GALNT16: variants seen among roughly 807,000 people sequenced by gnomAD.
The protein encoded by GALNT16 is polypeptide N-acetylgalactosaminyltransferase 16, also known as UDP-GalNAc:polypeptide N-acetylgalactosaminyltransferase-like protein 1.
GALNT16 carries 40 observed loss-of-function variants against 76.1 expected under a neutral mutation model. The ratio of observed to expected loss-of-function variants is 0.53; its 90% CI spans 0.41 to 0.68. GALNT16 has a LOEUF of 0.68. GALNT16 is among the 30% of genes least tolerant of loss of function. The probability of loss-of-function intolerance (pLI) is 0.00; values close to 1 mark genes in which losing one functional copy is unlikely to be tolerated. For synonymous variants in GALNT16, 276 were observed against 285.2 expected (o/e 0.97, Z 0.32); for missense variants, 621 against 731.9 (o/e 0.85, Z 1.75).
rs998317392 is a variant in GALNT16 at position 69,331,395 on chromosome 14, G to A, written c.691-69G>A. 23 of 867,886 alleles carry A rather than the reference G, an allele frequency of 2.7e-5. No individual in the cohort carries two copies. In the African/African-American group the frequency reaches 3.6e-4, roughly 14 times the overall value. The allele number at this position is 867,886 out of a possible 1,614,324, so 53.8% of individuals were successfully genotyped here. ...ATGTCTCAGAGAGGCCTTCTCCCCAGAGCAGGCAGCTAGGCCTTTTTCTGC... is the reference window on the plus strand; with the variant it reads ...ATGTCTCAGAGAGGCCTTCTCCCCAAAGCAGGCAGCTAGGCCTTTTTCTGC... On this transcript the variant is annotated intron_variant, in intron 6 of 14. Coordinates refer to ENST00000448469, the MANE Select transcript of GALNT16 (RefSeq NM_001168368.2).
chr14:69,317,208 A>G (rs1469602233), intron 1 of GALNT16, among the ~76,000 whole-genome samples: 4 of 152,214 alleles, frequency 2.6e-5, no homozygotes, highest in Non-Finnish European at 5.9e-5. Context: ...CAAATGATGC[A>G]TTTACTCCCT....
chr14:69,347,459 A>G (rs1211728623), intron 13 of GALNT16, among the ~76,000 whole-genome samples: 3 of 152,168 alleles, frequency 2.0e-5, no homozygotes, highest in Non-Finnish European at 2.9e-5. Context: ...GGGTCGGCTC[A>G]TGTGACAGGC....
chr14:69,280,678 C>T (rs1347457525), intron 1 of GALNT16, among the ~76,000 whole-genome samples: 1 of 152,128 alleles, frequency 6.6e-6, no homozygotes, highest in Non-Finnish European at 1.5e-5. Context: ...AGAGTGCCCA[C>T]CCCTAGAAAG....
At chr14:69,323,410 T>C (rs999848905) in intron 2 of GALNT16, among the ~76,000 whole-genome samples, 1 of 152,062 alleles carries the variant, frequency 6.6e-6, no homozygotes, top group Non-Finnish European at 1.5e-5. Flanking sequence ...TCAGATGGGG[T>C]GTGGGTGGGT....
chr14:69,302,884 C>CA (rs1449482564), intron 1 of GALNT16, among the ~76,000 whole-genome samples: 3 of 151,872 alleles, frequency 2.0e-5, no homozygotes, highest in African/African-American at 7.3e-5. Flanking sequence ...ATACTTATAC[C>CA]AAAAAAATTA....
chr14:69,322,974 GTGTGTGTGCGCGCGCA>G lies in GALNT16; in HGVS notation c.336-1717_336-1702del, dbSNP rs1385720164. 4.4e-3 allele frequency among the ~76,000 whole-genome samples: 286 copies of G among 65,418 alleles called. 4 individuals carry two copies. Among genetic ancestry groups the G allele is most frequent in the South Asian group, 0.017 (24 of 1,436 alleles). The allele number at this position is 65,418 out of a possible 152,430, so 42.9% of individuals were successfully genotyped here. ...TGTGTGTGTGTGTGTGTGTGTGTGT[GTGTGTGTGCGCGCGCA>G]CGCGCGCACGCATGCACACGTGTAG... On this transcript the variant is annotated intron_variant, in intron 2 of 14. Coordinates refer to ENST00000448469, the MANE Select transcript of GALNT16 (RefSeq NM_001168368.2).
At chr14:69,327,099 C>A (rs1047953306) in intron 5 of GALNT16, among the ~76,000 whole-genome samples, 1 of 152,088 alleles carries the variant, frequency 6.6e-6, no homozygotes. Flanking sequence ...TAAAATAATC[C>A]CAGCACTTTG....
chr14:69,364,953 T>C, the GALNT16 span, among the ~76,000 whole-genome samples: 1 of 152,172 alleles, frequency 6.6e-6, no homozygotes, highest in African/African-American at 2.4e-5. The surrounding 1 kb of genome is among the most constrained non-coding windows in gnomAD (Gnocchi z 4.2). Context: ...TATCCATTTA[T>C]AATGAGGAAA....
intron 2 of GALNT16, among the ~76,000 whole-genome samples, chr14:69,324,299 A>G (rs1354765167): frequency 6.6e-6 from 1 of 152,132 alleles, no homozygotes; most frequent in Non-Finnish European, 1.5e-5. Context: ...CTAGGGTATC[A>G]GGACAAACAG....
At chr14:69,280,568 A>C (rs2044527743) in intron 1 of GALNT16, among the ~76,000 whole-genome samples, 1 of 152,140 alleles carries the variant, frequency 6.6e-6, no homozygotes, top group Admixed American at 6.5e-5. Context: ...GCAGAAGTGG[A>C]ATTCCTGGAT....
chr14:69,289,338 A>G (rs148382993), intron 1 of GALNT16, among the ~76,000 whole-genome samples: 2,186 of 152,164 alleles, frequency 0.014, 58 homozygotes, highest in African/African-American at 0.05. Flanking sequence ...TTAAGTTTGC[A>G]CAACTAACTG....
intron 11 of GALNT16, 58 bp from the exon 12 acceptor site, chr14:69,341,623 C>A (rs2045487048): frequency 1.7e-6 from 2 of 1,149,276 alleles, no homozygotes; most frequent in Admixed American, 3.8e-5. Context: ...CTGGCATCCT[C>A]CCTCGGGCTG....
intron 11 of GALNT16, among the ~76,000 whole-genome samples, chr14:69,341,189 G>A (rs547453403): frequency 5.2e-4 from 79 of 152,306 alleles, no homozygotes; most frequent in South Asian, 2.7e-3. Context: ...GACGAGGGCC[G>A]TCAACCAGTG....
intron 1 of GALNT16, among the ~76,000 whole-genome samples, chr14:69,266,020 C>T (rs1245798770): frequency 2.0e-5 from 3 of 152,194 alleles, no homozygotes; most frequent in African/African-American, 7.2e-5. Context: ...GTTAAGTTCT[C>T]ATACGAGTAA....
chr14:69,284,923 G>A (rs117346313), intron 1 of GALNT16, among the ~76,000 whole-genome samples: 14,422 of 152,090 alleles, frequency 0.095, 923 homozygotes, highest in South Asian at 0.19. Context: ...ACCCTGTGAA[G>A]GACGTGTTTG....
chr14:69,280,389 A>G (rs79956638), intron 1 of GALNT16, among the ~76,000 whole-genome samples: 1 of 152,328 alleles, frequency 6.6e-6, no homozygotes, highest in African/African-American at 2.4e-5. Context: ...TTTAAGGCTG[A>G]ATAATAAATA....
the GALNT16 span, among the ~76,000 whole-genome samples, chr14:69,377,564 TG>T: frequency 6.6e-6 from 1 of 152,120 alleles, no homozygotes; most frequent in East Asian, 1.9e-4. Context: ...CCCAACACTT[TG>T]GGAGGCCAAG....
At chr14:69,331,330 G>T in intron 6 of GALNT16, 134 bp from the exon 7 acceptor site, 4 of 662,326 alleles carry the variant, frequency 6.0e-6, no homozygotes, top group Non-Finnish European at 5.4e-6. Flanking sequence ...GGGTTGAGGG[G>T]TGGCCCTGGG....
downstream of GALNT16, among the ~76,000 whole-genome samples, chr14:69,361,922 G>T (rs2045726858): frequency 6.6e-6 from 1 of 152,204 alleles, no homozygotes; most frequent in Admixed American, 6.5e-5. Flanking sequence ...CAGGAAAAAT[G>T]CTTGAACCTG....
Sources: gnomAD v4.1 joint callset for allele counts (sites outside exome capture counted in the v4.1 genomes callset) on GRCh38, gnomAD v4.1.1 for gene constraint, Gnocchi (gnomAD v3.1) non-coding constraint, MANE v1.5 for transcripts, NCBI Gene and HGNC (gene_info 2026-07-23, HGNC 2026-07-21) for gene names.